Variants in APC2 observed in about 807,000 individuals in gnomAD.
APC2 encodes the protein adenomatous polyposis coli protein 2.
In APC2, 41 loss-of-function variants were observed where a neutral mutation model predicts 72.5. The ratio of observed to expected loss-of-function variants is 0.57; its 90% CI spans 0.44 to 0.73. APC2 has a LOEUF of 0.73. Ranked by LOEUF, APC2 falls within the 30% of genes least tolerant of loss-of-function variation. APC2 has a pLI of 0.00. For missense variants in APC2, 3,729 were observed against 3,403.4 expected, an observed-to-expected ratio of 1.10 and a Z score of -2.38; for synonymous variants, 1,898 against 1,612.0, an observed-to-expected ratio of 1.18 and a Z score of -4.25.
Position 1,456,947 on chromosome 19 carries a change from G to A in APC2, c.911G>A (p.Ser304Asn). The A allele has an allele frequency of 6.4e-7, 1 of 1,552,518 alleles. No individual in the cohort carries two copies. Among genetic ancestry groups the A allele is most frequent in the Non-Finnish European group, 8.6e-7 (1 of 1,156,782 alleles). ...TLLAMSSSPE[S>N]CVAMRRSGCL... is the part of the protein sequence containing the mutation. ...CTGGCCATGTCCAGCTCGCCCGAGA[G>A]CTGCGTGGCCATGCGCCGCTCGGGC... Residue 304 changes from serine to asparagine, a missense_variant, in exon 9 of 15, where the codon AGC becomes AAC. Physicochemically the swap from Ser to Asn is conservative, Grantham distance 46. Coordinates refer to ENST00000590469, the MANE Select transcript of APC2 (RefSeq NM_005883.3).
At chr19:1,456,227 C>G in intron 7 of APC2, 74 bp downstream of exon 7, 1 of 1,549,340 alleles carries the variant, frequency 6.5e-7, no homozygotes, top group Non-Finnish European at 8.7e-7. Context: ...GAGTTCTGCC[C>G]GCCCCCGCCC....
chr19:1,466,981 C>T lies in APC2; in HGVS notation c.3680C>T (p.Thr1227Ile), dbSNP rs142307435. ...APAPQGPPEA[T>I]QFSLQWESYV... ...GCGCCACAGGGTCCCCCCGAGGCCA[C>T]CCAGTTCAGCCTGCAGTGGGAGAGC... is the stretch of plus-strand genomic sequence containing the variant. The change falls in exon 15 of 15, where the codon ACC becomes ATC. Residue 1227 changes from threonine (T) to isoleucine (I), a missense_variant. Thr to Ile is a moderately conservative substitution (Grantham distance 89). Coordinates refer to ENST00000590469, the MANE Select transcript of APC2 (RefSeq NM_005883.3). 2.5e-5 allele frequency: 40 copies of T among 1,607,968 alleles called. No homozygotes were observed. The highest frequency in any genetic ancestry group is 3.3e-5 in the South Asian group (3 of 90,300).
rs765692273 is a variant in APC2 at position 1,466,595 on chromosome 19, G to A, written c.3294G>A (p.Glu1098=). ...GDLDDSDSSL[E]GLEEAGPSEA... ...TGGATGACAGTGACTCCTCCCTGGA[G>A]GGGCTGGAGGAGGCCGGCCCCAGCG... is the stretch of plus-strand genomic sequence containing the variant. The change falls in exon 15 of 15, where the codon GAG becomes GAA. Residue 1098 remains glutamate (E), a synonymous_variant. Transcript: ENST00000590469. The A allele has an allele frequency of 1.3e-6, 2 of 1,557,270 alleles. No homozygotes were observed. Among genetic ancestry groups the A allele is most frequent in the African/African-American group, 1.4e-5 (1 of 73,998 alleles).
In APC2 at chr19:1,465,686, G is replaced by A. The variant is rs756436883; in HGVS notation, c.2385G>A (p.Glu795=). Residue 795 remains glutamate (E), a synonymous_variant, in exon 15 of 15, where the codon GAG becomes GAA. Coordinates refer to ENST00000590469, the MANE Select transcript of APC2 (RefSeq NM_005883.3). ...SSLAAAAATG[E]PASPAALSLF... is the part of the protein sequence containing the mutation. ...TGGCTGCGGCCGCGGCCACCGGGGA[G>A]CCAGCCAGCCCTGCCGCGCTGTCCC... 20 of 1,592,882 alleles carry A rather than the reference G, an allele frequency of 1.3e-5. No homozygotes were observed. Among genetic ancestry groups the A allele is most frequent in the South Asian group, 2.3e-5 (2 of 88,508 alleles).
At chr19:1,456,547 CT>C in intron 8 of APC2, 143 bp downstream of exon 8, 1 of 928,750 alleles carries the variant, frequency 1.1e-6, no homozygotes, top group Non-Finnish European at 1.6e-6. Context: ...TGGCGTGCAG[CT>C]CATGCAGAAG....
At chr19:1,453,835 C>T (rs901603466) in intron 4 of APC2, among the ~76,000 whole-genome samples, 2 of 152,152 alleles carry the variant, frequency 1.3e-5, no homozygotes, top group African/African-American at 2.4e-5. Context: ...TGCTGGAGTT[C>T]AGAGAGGATG....
At position 1,456,890 on chromosome 19, in the gene APC2, C is replaced by A. The variant is rs778394276; in HGVS notation, c.854C>A (p.Thr285Lys). 1 of 1,591,796 alleles carries A rather than the reference C, an allele frequency of 6.3e-7. No homozygotes were observed. Among genetic ancestry groups the A allele is most frequent in the Non-Finnish European group, 8.5e-7 (1 of 1,175,750 alleles). ...TTCTGGCTGTTGTCCATGTTGGCGA[C>A]GCGCGACCAGGAGGATACAGCGCGC... is the stretch of plus-strand genomic sequence containing the variant. ...VVFWLLSMLATRDQEDTARTL... is the reference protein window; with the variant it reads ...VVFWLLSMLAKRDQEDTARTL... Residue 285 changes from threonine (T) to lysine (K), a missense_variant, in exon 9 of 15, where the codon ACG becomes AAG. Physicochemically the swap from Thr to Lys is moderately conservative, Grantham distance 78. Coordinates refer to ENST00000590469, the MANE Select transcript of APC2 (RefSeq NM_005883.3).
chr19:1,458,201 T>C (rs992414319), intron 10 of APC2, 141 bp downstream of exon 10: 16 of 747,626 alleles, frequency 2.1e-5, no homozygotes, highest in Non-Finnish European at 3.6e-5. Context: ...CTCCCTGGAG[T>C]CACATAGCAC....
Position 1,457,678 on chromosome 19 carries a change from A to G in APC2, c.1208-287A>G, listed in dbSNP as rs2083856804. 7.5e-6 allele frequency: 4 copies of G among 533,732 alleles called. No individual in the cohort carries two copies. The South Asian group carries it at 8.1e-5, about 11-fold the overall frequency. The allele number at this position is 533,732 out of a possible 1,614,324, so 33.1% of individuals were successfully genotyped here. Reference sequence around the variant, plus strand: ...ATGCTACTGCACTCCAGTCTGGACAACAGAGCGAGACCCTGTCTCGTCAGT... The same window carrying G: ...ATGCTACTGCACTCCAGTCTGGACAGCAGAGCGAGACCCTGTCTCGTCAGT... On this transcript the variant is annotated intron_variant, in intron 9 of 14. Transcript: ENST00000590469.
chr19:1,470,092 C>A lies in APC2; in HGVS notation c.6791C>A (p.Pro2264His), dbSNP rs781280040. The change falls in exon 15 of 15, where the codon CCC becomes CAC. Residue 2264 changes from proline to histidine, a missense_variant. By Grantham distance (77) the Pro-to-His change is moderately conservative. Transcript: ENST00000590469. ...TTCCCCGCCAGCCGGCACGGCTCCCCCAGCCGCTCGGCCCGAGTACCCCCC... is the reference window on the plus strand; with the variant it reads ...TTCCCCGCCAGCCGGCACGGCTCCCACAGCCGCTCGGCCCGAGTACCCCCC... ...GGFPASRHGS[P>H]SRSARVPPFN... is the part of the protein sequence containing the mutation. The A allele has an allele frequency of 3.7e-6, 6 of 1,604,498 alleles. No homozygotes were observed. The highest frequency in any genetic ancestry group is 3.4e-5 in the Admixed American group (2 of 59,654).
chr19:1,446,619 C>T (rs1015697304), upstream of APC2, among the ~76,000 whole-genome samples: 2 of 152,098 alleles, frequency 1.3e-5, no homozygotes, highest in Non-Finnish European at 2.9e-5. This position sits in a 1 kb window ranked among gnomAD's most constrained non-coding sequence, Gnocchi z 6.1. Context: ...CCCTCGGCCT[C>T]TGCAGGAGAC....
chr19:1,469,988 C>G lies in APC2; in HGVS notation c.6687C>G (p.Asp2229Glu). The G allele has an allele frequency of 1.3e-6, 2 of 1,531,480 alleles. No individual in the cohort carries two copies. Among genetic ancestry groups the G allele is most frequent in the Non-Finnish European group, 1.7e-6 (2 of 1,144,332 alleles). 94.9% of individuals were successfully genotyped at this position (1,531,480 alleles called of 1,614,324 possible). A position where few individuals can be genotyped will look rare whatever the true frequency, so the allele number is the denominator to read the frequency against. The change falls in exon 15 of 15, where the codon GAC (aspartate) becomes GAG (glutamate). Residue 2229 changes from aspartate (D) to glutamate (E), a missense_variant. By Grantham distance (45) the Asp-to-Glu change is conservative. Coordinates refer to ENST00000590469, the MANE Select transcript of APC2 (RefSeq NM_005883.3). ...AGGQLSLLGS[D>E]VDGPSLAKAP... is the part of the protein sequence containing the mutation. ...GCCAGCTCTCCCTCCTCGGCAGCGA[C>G]GTGGACGGTCCCAGCCTCGCCAAGG...
chr19:1,446,975 G>A (rs2083693396), upstream of APC2, among the ~76,000 whole-genome samples: 1 of 152,200 alleles, frequency 6.6e-6, no homozygotes, highest in Non-Finnish European at 1.5e-5. This position sits in a 1 kb window ranked among gnomAD's most constrained non-coding sequence, Gnocchi z 6.1. Context: ...GAGCCTCGTT[G>A]CGGAGCTAAG....
Position 1,465,955 on chromosome 19 carries a change from G to T in APC2, c.2654G>T (p.Arg885Leu), listed in dbSNP as rs111389603. ...SSGDPGQEAP[R>L]EGRAQSCSPC... ...GGAGACCCGGGACAGGAGGCGCCAC[G>T]GGAGGGCCGCGCCCAGTCCTGCTCG... The change falls in exon 15 of 15, where the codon CGG becomes CTG. Residue 885 changes from arginine to leucine, a missense_variant. By Grantham distance (102) the Arg-to-Leu change is moderately radical. Transcript: ENST00000590469. 2.5e-6 allele frequency: 4 copies of T among 1,575,942 alleles called. No individual in the cohort carries two copies. Among genetic ancestry groups the T allele is most frequent in the East Asian group, 2.3e-5 (1 of 42,570 alleles).
intron 10 of APC2, among the ~76,000 whole-genome samples, chr19:1,459,849 G>A (rs532788794): frequency 3.3e-5 from 5 of 152,306 alleles, no homozygotes; most frequent in Middle Eastern, 6.8e-3. Flanking sequence ...GGCCTTCCCC[G>A]AGGCACCTAT....
In APC2 at chr19:1,457,027, C is replaced by T. The variant is rs938566336; in HGVS notation, c.991C>T (p.Arg331Cys). The T allele has an allele frequency of 1.3e-6, 2 of 1,526,896 alleles. No individual in the cohort carries two copies. The highest frequency in any genetic ancestry group is 1.7e-6 in the Non-Finnish European group (2 of 1,143,550). 94.6% of individuals were successfully genotyped at this position (1,526,896 alleles called of 1,614,324 possible). The stretch of plus-strand genomic sequence containing the variant: ...CGGCACCGAGGCCGCGGCCGGGGGT[C>T]GCGCCGGGGCCCCAGGGGCACCGGG... ...LHGTEAAAGG[R>C]AGAPGAPGAK... The change falls in exon 9 of 15, where the codon CGC becomes TGC. Residue 331 changes from arginine (R) to cysteine (C), a missense_variant. Arg to Cys is a radical substitution (Grantham distance 180). Transcript: ENST00000590469.
chr19:1,446,424 C>CGCG, upstream of APC2: 2 of 962,502 alleles, frequency 2.1e-6, no homozygotes, highest in Middle Eastern at 5.4e-4. The surrounding 1 kb of genome is among the most constrained non-coding windows in gnomAD (Gnocchi z 6.1). Context: ...GAACAGCGGG[C>CGCG]GCGGCGGCGG....
chr19:1,461,835 G>C (rs1335152696), intron 13 of APC2, 128 bp from the exon 14 acceptor site: 7 of 744,580 alleles, frequency 9.4e-6, no homozygotes, highest in African/African-American at 7.2e-5. Flanking sequence ...CTGGGGGAGA[G>C]AGTGAGATTC....
In APC2 at chr19:1,456,076, A is replaced by G. The variant is rs2083820030; in HGVS notation, c.640A>G (p.Ile214Val). ...TSDEMVQRAQ[I>V]RASRLEQIDK... Reference sequence around the variant, plus strand: ...CTTGCCCTCGTGTGGTCCTGAGCAGATCCGCGCCTCGCGCCTGGAGCAGAT... The same window carrying G: ...CTTGCCCTCGTGTGGTCCTGAGCAGGTCCGCGCCTCGCGCCTGGAGCAGAT... Residue 214 changes from isoleucine to valine, a missense_variant and splice_region_variant, in exon 7 of 15, where the codon ATC (isoleucine) becomes GTC (valine). Ile to Val is a conservative substitution (Grantham distance 29). Transcript: ENST00000590469. 3 of 1,569,910 alleles carry G rather than the reference A, an allele frequency of 1.9e-6. No individual in the cohort carries two copies. Among genetic ancestry groups the G allele is most frequent in the Non-Finnish European group, 2.6e-6 (3 of 1,161,372 alleles).
Sources: allele counts gnomAD v4.1 joint callset (sites outside exome capture counted in the v4.1 genomes callset), GRCh38; gene constraint gnomAD v4.1.1; non-coding constraint Gnocchi (gnomAD v3.1); transcripts MANE v1.5; gene names NCBI Gene and HGNC (gene_info 2026-07-23, HGNC 2026-07-21).